PIGU: variants seen among roughly 807,000 people sequenced by gnomAD.
PIGU encodes the protein GPI-anchor transamidase component PIGU.
PIGU carries 24 observed loss-of-function variants against 49.9 expected under a neutral mutation model. The ratio of observed to expected loss-of-function variants is 0.48; its 90% confidence interval spans 0.35 to 0.68. PIGU has a LOEUF of 0.68. PIGU is among the 30% of genes least tolerant of loss of function. PIGU has a pLI of 0.01. For missense variants in PIGU, 490 were observed against 532.6 expected (o/e 0.92, Z 0.79); for synonymous variants, 220 against 205.7 (o/e 1.07, Z -0.59).
At chr20:34,598,460 C>T (rs1227406601) in intron 7 of PIGU, among the ~76,000 whole-genome samples, 1 of 152,190 alleles carries the variant, frequency 6.6e-6, no homozygotes, top group Non-Finnish European at 1.5e-5. Context: ...AAAAATGTTT[C>T]AGGTGGTGAG....
At chr20:34,577,927 AAGG>A (rs1427776826) in intron 10 of PIGU, among the ~76,000 whole-genome samples, 3 of 152,188 alleles carry the variant, frequency 2.0e-5, no homozygotes. Flanking sequence ...ACTGTGTCAA[AAGG>A]AGAATAATCA....
At chr20:34,602,993 C>CT (rs1984484063) in intron 7 of PIGU, among the ~76,000 whole-genome samples, 1 of 151,158 alleles carries the variant, frequency 6.6e-6, no homozygotes, top group Non-Finnish European at 1.5e-5. Flanking sequence ...TTTTAAGTCT[C>CT]TTAATTCATA....
chr20:34,588,405 C>T (rs529329636), intron 8 of PIGU, 48 bp downstream of exon 8: 2 of 1,549,790 alleles, frequency 1.3e-6, no homozygotes, highest in East Asian at 2.3e-5. Flanking sequence ...TACAAGGGTT[C>T]CCTTTTCCCC....
At chr20:34,568,273 G>A (rs1299841279) in intron 11 of PIGU, among the ~76,000 whole-genome samples, 1 of 152,136 alleles carries the variant, frequency 6.6e-6, no homozygotes, top group Non-Finnish European at 1.5e-5. Context: ...TTGGGGAGGA[G>A]AATAGGCTGG....
chr20:34,624,623 T>C (rs1293272258), intron 6 of PIGU, among the ~76,000 whole-genome samples: 1 of 152,212 alleles, frequency 6.6e-6, no homozygotes, highest in Non-Finnish European at 1.5e-5. Context: ...CATCTGTTTG[T>C]CTGTTTTCCT....
chr20:34,667,884 G>C (rs547149913), intron 1 of PIGU, among the ~76,000 whole-genome samples: 1 of 152,238 alleles, frequency 6.6e-6, no homozygotes, highest in East Asian at 1.9e-4. Context: ...GGAGAAATCT[G>C]GCAGACACTA....
chr20:34,574,178 C>G (rs1006523830), intron 11 of PIGU, among the ~76,000 whole-genome samples: 2 of 152,212 alleles, frequency 1.3e-5, no homozygotes, highest in African/African-American at 2.4e-5. Context: ...GAAGGCAGCA[C>G]GTGGAGGAGG....
At chr20:34,592,188 CAAA>C (rs759695806) in intron 7 of PIGU, among the ~76,000 whole-genome samples, 1 of 77,084 alleles carries the variant, frequency 1.3e-5, no homozygotes, top group Non-Finnish European at 2.7e-5. Flanking sequence ...GACTCCGTCT[CAAA>C]AAAAAAAAAA....
chr20:34,674,096 C>T (rs1285498258), intron 1 of PIGU, among the ~76,000 whole-genome samples: 2 of 151,662 alleles, frequency 1.3e-5, no homozygotes, highest in Non-Finnish European at 2.9e-5. Context: ...TGGCTCATGC[C>T]TGTAATCCCA....
At chr20:34,587,675 C>T (rs764627915) in intron 8 of PIGU, among the ~76,000 whole-genome samples, 1 of 152,144 alleles carries the variant, frequency 6.6e-6, no homozygotes, top group Non-Finnish European at 1.5e-5. Flanking sequence ...CATCGGTAAC[C>T]ACCCTTCTAC....
chr20:34,563,828 T>C (rs1188561103), intron 11 of PIGU, among the ~76,000 whole-genome samples: 1 of 152,154 alleles, frequency 6.6e-6, no homozygotes, highest in African/African-American at 2.4e-5. Context: ...GCCAACACTA[T>C]CTTAACCACG....
intron 7 of PIGU, among the ~76,000 whole-genome samples, chr20:34,609,093 A>C (rs1043367499): frequency 6.6e-6 from 1 of 152,208 alleles, no homozygotes; most frequent in Middle Eastern, 3.4e-3. Flanking sequence ...CAGCCCGGGC[A>C]ACAAAGTGAG....
At position 34,588,500 on chromosome 20, in the gene PIGU, G is replaced by C; in HGVS notation, c.735C>G (p.Phe245Leu). ...TGAAATCCCAAGAGCTGAGAAGGAAGAAGGAGAGGCAAATGATTACCACTA... is the reference window on the plus strand; with the variant it reads ...TGAAATCCCAAGAGCTGAGAAGGAACAAGGAGAGGCAAATGATTACCACTA... ...GSLVVIICLSFFLLSSWDFIP... is the reference protein window; with the variant it reads ...GSLVVIICLSLFLLSSWDFIP... The change falls in exon 8 of 12, where the codon TTC becomes TTG. Residue 245 changes from phenylalanine to leucine, a missense_variant. By Grantham distance (22) the Phe-to-Leu change is conservative. Coordinates refer to ENST00000217446, the MANE Select transcript of PIGU (RefSeq NM_080476.5). 1 of 1,614,032 alleles carries C rather than the reference G, an allele frequency of 6.2e-7. No individual in the cohort carries two copies. Among genetic ancestry groups the C allele is most frequent in the Non-Finnish European group, 8.5e-7 (1 of 1,179,902 alleles).
At chr20:34,606,914 C>T (rs955966488) in intron 7 of PIGU, among the ~76,000 whole-genome samples, 1 of 152,172 alleles carries the variant, frequency 6.6e-6, no homozygotes, top group Non-Finnish European at 1.5e-5. Context: ...GCACCCACCA[C>T]CAAGCCTGGC....
At chr20:34,619,463 T>C (rs557199339) in intron 6 of PIGU, among the ~76,000 whole-genome samples, 59 of 152,296 alleles carry the variant, frequency 3.9e-4, no homozygotes, top group Non-Finnish European at 7.8e-4. Flanking sequence ...GGGAAAACAC[T>C]GAAAATAACT....
intron 7 of PIGU, among the ~76,000 whole-genome samples, chr20:34,614,253 C>T (rs560673570): frequency 1.4e-4 from 21 of 151,962 alleles, no homozygotes; most frequent in African/African-American, 4.3e-4. Context: ...ACCGTGACTG[C>T]GGCACTGCAC....
chr20:34,645,909 T>A (rs911265039), intron 2 of PIGU, among the ~76,000 whole-genome samples: 2 of 151,466 alleles, frequency 1.3e-5, no homozygotes, highest in Non-Finnish European at 2.9e-5. Flanking sequence ...AAAAAATAAA[T>A]AAATAAATAA....
intron 6 of PIGU, among the ~76,000 whole-genome samples, chr20:34,634,388 A>C (rs769608565): frequency 1.3e-5 from 2 of 152,064 alleles, no homozygotes; most frequent in African/African-American, 4.8e-5. Flanking sequence ...TTTTTTGTAA[A>C]GCTATGTTAA....
chr20:34,615,720 T>TA (rs1351881944), intron 7 of PIGU, among the ~76,000 whole-genome samples: 1 of 152,136 alleles, frequency 6.6e-6, no homozygotes, highest in Non-Finnish European at 1.5e-5. Context: ...CCCTGCCTGT[T>TA]AGTCACTTAG....
Sources: allele counts gnomAD v4.1 joint callset (sites outside exome capture counted in the v4.1 genomes callset), GRCh38; gene constraint gnomAD v4.1.1; transcripts MANE v1.5; gene names NCBI Gene and HGNC (gene_info 2026-07-23, HGNC 2026-07-21).